Variants in TMEM87B observed in about 807,000 individuals in gnomAD.
TMEM87B encodes transmembrane protein 87B.
TMEM87B carries 83 observed loss-of-function variants against 80.3 expected under a neutral mutation model. That is an observed-to-expected ratio of 1.03 (90% confidence interval 0.87 to 1.24). The LOEUF is 1.24. Ranked by LOEUF, TMEM87B falls within the 50% of genes most tolerant of loss-of-function variation. The pLI is 0.00. For synonymous variants in TMEM87B, 219 were observed against 230.5 expected (o/e 0.95, Z 0.45); for missense variants, 625 against 674.4 (o/e 0.93, Z 0.81).
chr2:112,107,528 AT>A (rs959559516), intron 16 of TMEM87B, among the ~76,000 whole-genome samples: 28 of 152,074 alleles, frequency 1.8e-4, no homozygotes, highest in African/African-American at 6.8e-4. Flanking sequence ...TTTTACTGTG[AT>A]TTCTCAGGAC....
chr2:112,118,871 G>A lies in TMEM87B; in HGVS notation c.*2728G>A, dbSNP rs1033597780. 2.0e-4 allele frequency: 30 copies of A among 152,210 alleles called. No homozygotes were observed. Among genetic ancestry groups the A allele is most frequent in the Admixed American group, 1.4e-3 (21 of 15,300 alleles). The allele number at this position is 152,210 out of a possible 1,614,324, so 9.4% of individuals were successfully genotyped here. On this transcript the variant is annotated 3_prime_UTR_variant, in exon 19 of 19. Coordinates refer to ENST00000283206, the MANE Select transcript of TMEM87B (RefSeq NM_032824.3). ...AGGCTGTACATGACTAAAGTTGACA[G>A]ATGCTATGCTAGATTTATAATCACT...
intron 9 of TMEM87B, 112 bp downstream of exon 9, chr2:112,086,216 T>C: frequency 1.4e-6 from 1 of 736,652 alleles, no homozygotes; most frequent in Non-Finnish European, 2.1e-6. Context: ...CAAATCCCTT[T>C]GGGAAAAATC....
intron 17 of TMEM87B, among the ~76,000 whole-genome samples, chr2:112,112,230 A>C (rs760659914): frequency 1.3e-5 from 2 of 152,110 alleles, no homozygotes; most frequent in African/African-American, 2.4e-5. Flanking sequence ...GATTAAACTT[A>C]CTTAACATTT....
At position 112,095,117 on chromosome 2, in the gene TMEM87B, T is replaced by G. The variant is rs544422056; in HGVS notation, c.1105-1927T>G. 11 of 925,236 alleles carry G rather than the reference T, an allele frequency of 1.2e-5. No individual in the cohort carries two copies. In the Admixed American group the frequency reaches 3.9e-4, roughly 33 times the overall value. 57.3% of individuals were successfully genotyped at this position (925,236 alleles called of 1,614,324 possible). On this transcript the variant is annotated intron_variant, in intron 11 of 18. Coordinates refer to ENST00000283206, the MANE Select transcript of TMEM87B (RefSeq NM_032824.3). ...CTTTCTCCTGTGGCCCTTCCTCCCC[T>G]TTTTTTCTTCTTGTTTCTCTTTCGT...
Position 112,091,712 on chromosome 2 carries a change from G to T in TMEM87B, c.1033G>T (p.Gly345Cys). The change falls in exon 11 of 19, where the codon GGT becomes TGT. Residue 345 changes from glycine to cysteine, a missense_variant and splice_region_variant. Gly to Cys is a radical substitution (Grantham distance 159). Transcript: ENST00000283206. Reference sequence around the variant, plus strand: ...TTCTTCCCTTATTTTTATCTTTCAGGGTTCTAACCATTTAGCTGTTGTTCT... The same window carrying T: ...TTCTTCCCTTATTTTTATCTTTCAGTGTTCTAACCATTTAGCTGTTGTTCT... ...AVEGVMRVIG[G>C]SNHLAVVLDD... 1 of 1,608,604 alleles carries T rather than the reference G, an allele frequency of 6.2e-7. No individual in the cohort carries two copies. The highest frequency in any genetic ancestry group is 8.5e-7 in the Non-Finnish European group (1 of 1,176,934).
chr2:112,083,746 T>G (rs975275535), intron 8 of TMEM87B, among the ~76,000 whole-genome samples: 1 of 152,214 alleles, frequency 6.6e-6, no homozygotes, highest in African/African-American at 2.4e-5. Flanking sequence ...ATTTTAGGCC[T>G]TGTTGCTGTT....
At position 112,097,034 on chromosome 2, in the gene TMEM87B, CTT is replaced by C; in HGVS notation, c.1105-5_1105-4del. On this transcript the variant is annotated splice_polypyrimidine_tract_variant and splice_region_variant and intron_variant, in intron 11 of 18. Coordinates refer to ENST00000283206, the MANE Select transcript of TMEM87B (RefSeq NM_032824.3). ...TATTACTTGGAATGTTTTTCCTTAA[CTT>C]TTTTCACATTTTTATTAGTTTGGCA... is the stretch of plus-strand genomic sequence containing the variant. The C allele has an allele frequency of 6.6e-7, 1 of 1,525,470 alleles. No homozygotes were observed. The highest frequency in any genetic ancestry group is 8.9e-7 in the Non-Finnish European group (1 of 1,122,246). The allele number at this position is 1,525,470 out of a possible 1,614,324, so 94.5% of individuals were successfully genotyped here.
intron 16 of TMEM87B, among the ~76,000 whole-genome samples, chr2:112,106,790 CA>C (rs1679780107): frequency 6.6e-6 from 1 of 152,094 alleles, no homozygotes; most frequent in South Asian, 2.1e-4. Context: ...TAAGTTCTGA[CA>C]CGATAGATAA....
intron 11 of TMEM87B, among the ~76,000 whole-genome samples, chr2:112,093,309 G>A (rs2104489380): frequency 6.6e-6 from 1 of 152,330 alleles, no homozygotes; most frequent in Admixed American, 6.5e-5. Context: ...CCTAAAATTT[G>A]TAATTCATTG....
rs569544794 is a variant in TMEM87B, at chr2:112,065,688, G to A, written c.319-1248G>A. Among the ~76,000 whole-genome samples, 41 of 143,206 alleles carry A rather than the reference G, an allele frequency of 2.9e-4. 1 individual carries two copies. Among genetic ancestry groups the A allele is most frequent in the African/African-American group, 7.7e-4 (30 of 38,834 alleles). 93.9% of individuals were successfully genotyped at this position (143,206 alleles called of 152,430 possible). A position where few individuals can be genotyped will look rare whatever the true frequency, so the allele number is the denominator to read the frequency against. On this transcript the variant is annotated intron_variant, in intron 3 of 18. Transcript: ENST00000283206. ...AAAAGTTCACCAGTGTCCCAATATTGTCTTTTAGAGCAGGCGCCCCCGCTC... is the reference window on the plus strand; with the variant it reads ...AAAAGTTCACCAGTGTCCCAATATTATCTTTTAGAGCAGGCGCCCCCGCTC...
chr2:112,109,648 T>A (rs1679856648), intron 17 of TMEM87B, among the ~76,000 whole-genome samples: 1 of 150,318 alleles, frequency 6.7e-6, no homozygotes, highest in Admixed American at 6.6e-5. Flanking sequence ...GTGTTTATGA[T>A]ATGCCTAAGT....
At chr2:112,105,803 A>G (rs894361377) in intron 15 of TMEM87B, 199 bp from the exon 16 acceptor site, 10 of 418,046 alleles carry the variant, frequency 2.4e-5, no homozygotes, top group East Asian at 3.8e-5. Flanking sequence ...TCTGACAAAT[A>G]GTTTCCAAAA....
chr2:112,076,842 TTGTGTGTGTGTGTGTGTGTGTGTGTG>T (rs70962982), intron 5 of TMEM87B, among the ~76,000 whole-genome samples: 3 of 139,188 alleles, frequency 2.2e-5, no homozygotes, highest in Admixed American at 7.3e-5. Context: ...CTTTTCTGTT[TTGTGTGTGTGTGTGTGTGTGTGTGTG>T]TGTGTGTGTG....
intron 1 of TMEM87B, among the ~76,000 whole-genome samples, chr2:112,059,487 G>T (rs61101198): frequency 0.046 from 6,972 of 152,112 alleles, 366 homozygotes; most frequent in African/African-American, 0.13. Context: ...AGAATATCAT[G>T]CTTTTCTGGA....
intron 10 of TMEM87B, among the ~76,000 whole-genome samples, chr2:112,090,606 T>A (rs1305822070): frequency 6.6e-6 from 1 of 152,134 alleles, no homozygotes; most frequent in African/African-American, 2.4e-5. Context: ...TTTGTATTTT[T>A]TGTAGAGACA....
intron 11 of TMEM87B, chr2:112,095,117 TTTTTTTCTTC>T: frequency 1.1e-6 from 1 of 925,336 alleles, no homozygotes; most frequent in Non-Finnish European, 1.3e-6. Context: ...CTTCCTCCCC[TTTTTTTCTTC>T]TTGTTTCTCT....
intron 6 of TMEM87B, among the ~76,000 whole-genome samples, chr2:112,080,061 C>G (rs1427747456): frequency 6.7e-6 from 1 of 148,948 alleles, no homozygotes; most frequent in Admixed American, 6.8e-5. Context: ...TCCCAAGTAG[C>G]TGGGATTATA....
At chr2:112,110,763 A>T (rs749583717) in intron 17 of TMEM87B, among the ~76,000 whole-genome samples, 1 of 150,656 alleles carries the variant, frequency 6.6e-6, no homozygotes, top group African/African-American at 2.5e-5. Flanking sequence ...TCTTCTTTTT[A>T]TTTACTACAC....
At chr2:112,059,035 A>G (rs1678165876) in intron 1 of TMEM87B, among the ~76,000 whole-genome samples, 1 of 152,196 alleles carries the variant, frequency 6.6e-6, no homozygotes, top group African/African-American at 2.4e-5. Context: ...TCCTTTAGGC[A>G]GTTGGGTATT....
Sources: gnomAD v4.1 joint callset for allele counts (sites outside exome capture counted in the v4.1 genomes callset) on GRCh38, gnomAD v4.1.1 for gene constraint, MANE v1.5 for transcripts, NCBI Gene and HGNC (gene_info 2026-07-23, HGNC 2026-07-21) for gene names.